PJA2: variants seen among roughly 807,000 people sequenced by gnomAD.
PJA2 encodes the protein E3 ubiquitin-protein ligase Praja-2.
Under a neutral mutation model 69.3 loss-of-function variants are expected in PJA2, and 25 were observed. The observed-to-expected ratio is 0.36, with a 90% CI of 0.26 to 0.50. The LOEUF (loss-of-function observed/expected upper bound fraction) is 0.50. PJA2 is among the 20% of genes least tolerant of loss of function. The probability of loss-of-function intolerance (pLI) is 0.96; values close to 1 mark genes in which losing one functional copy is unlikely to be tolerated. For missense variants in PJA2, 809 were observed against 830.2 expected (o/e 0.97, Z 0.31); for synonymous variants, 308 against 277.8 (o/e 1.11, Z -1.08).
Position 109,335,368 on chromosome 5 carries a change from C to G in PJA2, c.*1863G>C, listed in dbSNP as rs1761921188. 1 of 152,598 alleles carries G rather than the reference C, an allele frequency of 6.6e-6. No individual in the cohort carries two copies. Among genetic ancestry groups the G allele is most frequent in the Non-Finnish European group, 1.5e-5 (1 of 68,028 alleles). The allele number at this position is 152,598 out of a possible 1,614,324, so 9.5% of individuals were successfully genotyped here. On this transcript the variant is annotated 3_prime_UTR_variant, in exon 10 of 10. Transcript: ENST00000361189. ...CAACATTGCTGGTTGAGTTTGGAACCAAAACCTCTTAACAACTGGCAGATA... is the reference window on the plus strand; with the variant it reads ...CAACATTGCTGGTTGAGTTTGGAACGAAAACCTCTTAACAACTGGCAGATA...
In PJA2 at chr5:109,335,205, T is replaced by C. The variant is rs992283060; in HGVS notation, c.*2026A>G. ...AATCCTAAAACCTCAATTTTCTTTTTCTTTTTTAAAATTTAAGCCAACTCT... is the reference window on the plus strand; with the variant it reads ...AATCCTAAAACCTCAATTTTCTTTTCCTTTTTTAAAATTTAAGCCAACTCT... On this transcript the variant is annotated 3_prime_UTR_variant, in exon 10 of 10. Transcript: ENST00000361189. 6.5e-6 allele frequency: 1 copy of C among 152,674 alleles called. No homozygotes were observed. The highest frequency in any genetic ancestry group is 1.5e-5 in the Non-Finnish European group (1 of 68,046). 9.5% of individuals were successfully genotyped at this position (152,674 alleles called of 1,614,324 possible). A position where few individuals can be genotyped will look rare whatever the true frequency, so the allele number is the denominator to read the frequency against.
intron 1 of PJA2, among the ~76,000 whole-genome samples, chr5:109,393,615 C>G (rs927259496): frequency 8.5e-5 from 13 of 152,054 alleles, no homozygotes; most frequent in African/African-American, 3.1e-4. Context: ...GCCTGGGCAA[C>G]AAAGCCAGAC....
In PJA2 at chr5:109,378,185, G is replaced by C. The variant is rs1282306502; in HGVS notation, c.1283+19C>G. ...TTCATTTACTACACAATCGGAAAAA[G>C]TACTGGATGTGACCTTACCTATCTT... On this transcript the variant is annotated intron_variant, in intron 4 of 9. Coordinates refer to ENST00000361189, the MANE Select transcript of PJA2 (RefSeq NM_014819.5). 1 of 1,565,044 alleles carries C rather than the reference G, an allele frequency of 6.4e-7. No individual in the cohort carries two copies. The highest frequency in any genetic ancestry group is 8.7e-7 in the Non-Finnish European group (1 of 1,148,064).
chr5:109,403,658 C>T (rs1747613858), intron 1 of PJA2, among the ~76,000 whole-genome samples: 1 of 150,844 alleles, frequency 6.6e-6, no homozygotes, highest in African/African-American at 2.4e-5. Flanking sequence ...TCAACATTCG[C>T]AAATAAGTTA....
chr5:109,396,803 A>T, intron 1 of PJA2, among the ~76,000 whole-genome samples: 1 of 149,098 alleles, frequency 6.7e-6, no homozygotes, highest in Non-Finnish European at 1.5e-5. Flanking sequence ...GGGGTGGGGG[A>T]GAAAGAGGAA....
intron 4 of PJA2, among the ~76,000 whole-genome samples, chr5:109,376,199 T>C (rs1561355538): frequency 6.7e-6 from 1 of 150,270 alleles, no homozygotes. Flanking sequence ...TTACTAGCAA[T>C]TTAAAAGGAC....
intron 7 of PJA2, among the ~76,000 whole-genome samples, chr5:109,353,515 T>TA (rs201021355): frequency 0.43 from 53,051 of 123,302 alleles, 15,048 homozygotes; most frequent in Non-Finnish European, 0.59. Context: ...TATAGATATC[T>TA]ATATATTAGA....
At chr5:109,347,796 A>T (rs931654134) in intron 7 of PJA2, among the ~76,000 whole-genome samples, 1 of 152,154 alleles carries the variant, frequency 6.6e-6, no homozygotes, top group Non-Finnish European at 1.5e-5. Flanking sequence ...CTAATCCTAT[A>T]TTCTTTAGAG....
intron 1 of PJA2, among the ~76,000 whole-genome samples, chr5:109,395,549 C>A (rs561609983): frequency 2.6e-5 from 4 of 152,016 alleles, no homozygotes; most frequent in Non-Finnish European, 5.9e-5. Flanking sequence ...TAAAAATCTT[C>A]CCACAAGGAA....
rs191168195 is a variant in PJA2 at position 109,371,178 on chromosome 5, A to G, written c.1284-2432T>C. Among the ~76,000 whole-genome samples the G allele has an allele frequency of 1.1e-4, 17 of 152,306 alleles. 1 individual carries two copies. In the South Asian group the frequency reaches 2.3e-3, roughly 20 times the overall value. The stretch of plus-strand genomic sequence containing the variant: ...GAAAAGGTTTGCAGACCCCACGCCT[A>G]TATCATTATTACTCATGATACCTAA... On this transcript the variant is annotated intron_variant, in intron 4 of 9. Transcript: ENST00000361189.
chr5:109,388,644 A>AT (rs1747215747), intron 1 of PJA2, among the ~76,000 whole-genome samples: 1 of 152,236 alleles, frequency 6.6e-6, no homozygotes, highest in Non-Finnish European at 1.5e-5. Context: ...GGAGCCAGAA[A>AT]TAACTCACTT....
At chr5:109,352,432 A>G (rs959654848) in intron 7 of PJA2, among the ~76,000 whole-genome samples, 3 of 152,228 alleles carry the variant, frequency 2.0e-5, no homozygotes, top group African/African-American at 7.2e-5. Context: ...AGAGTTATTT[A>G]GCACAACGAA....
intron 7 of PJA2, among the ~76,000 whole-genome samples, chr5:109,349,007 T>C (rs73219716): frequency 0.019 from 2,861 of 152,332 alleles, 78 homozygotes; most frequent in African/African-American, 0.065. Flanking sequence ...AGTGTTACTA[T>C]GAATGTGTGG....
intron 5 of PJA2, among the ~76,000 whole-genome samples, chr5:109,367,973 T>G (rs1358330754): frequency 2.6e-5 from 4 of 152,326 alleles, no homozygotes; most frequent in African/African-American, 9.6e-5. Context: ...ATGGCTACTT[T>G]TATACTGCAA....
In PJA2 at chr5:109,378,837, G is replaced by T; in HGVS notation, c.650C>A (p.Pro217Gln). ...TTCACAGTTAAATGAGGGAACTGGT[G>T]GTGAAAGACCAGTGTATGCCTCTGC... The part of the protein sequence containing the change: ...REAEAYTGLS[P>Q]PVPSFNCEVR... The change falls in exon 4 of 10, where the codon CCA (proline) becomes CAA (glutamine). Residue 217 changes from proline to glutamine, a missense_variant. By Grantham distance (76) the Pro-to-Gln change is moderately conservative. Around this residue, in one of 4 missense-constraint regions of PJA2, gnomAD observed 700 missense variants for 639.5 expected, o/e 1.09. Transcript: ENST00000361189. 3 of 1,613,788 alleles carry T rather than the reference G, an allele frequency of 1.9e-6. No individual in the cohort carries two copies. Among genetic ancestry groups the T allele is most frequent in the Non-Finnish European group, 2.5e-6 (3 of 1,180,006 alleles).
At chr5:109,355,724 T>C (rs1054284095) in intron 7 of PJA2, among the ~76,000 whole-genome samples, 191 bp downstream of exon 7, 2 of 152,312 alleles carry the variant, frequency 1.3e-5, no homozygotes, top group East Asian at 3.9e-4. Flanking sequence ...ATACTGAAAT[T>C]TAAGGCAAAC....
chr5:109,343,350 T>TAAAA (rs55754432), intron 9 of PJA2, among the ~76,000 whole-genome samples: 4 of 40,040 alleles, frequency 1.0e-4, no homozygotes, highest in East Asian at 1.0e-3. Flanking sequence ...TAATGTACCA[T>TAAAA]AAAAAAAAAA....
At chr5:109,398,011 C>G (rs1561365190) in intron 1 of PJA2, among the ~76,000 whole-genome samples, 1 of 152,168 alleles carries the variant, frequency 6.6e-6, no homozygotes, top group Non-Finnish European at 1.5e-5. Context: ...AGACACTTCT[C>G]AAAAGAAGAC....
At chr5:109,365,225 C>T (rs73226868) in intron 5 of PJA2, among the ~76,000 whole-genome samples, 4,719 of 152,242 alleles carry the variant, frequency 0.031, 246 homozygotes, top group African/African-American at 0.11. Flanking sequence ...AACTGGTATA[C>T]TCATGTAGTA....
Sources: gnomAD v4.1 joint callset for allele counts (sites outside exome capture counted in the v4.1 genomes callset) on GRCh38, gnomAD v4.1.1 for gene constraint, gnomAD v4.1.1 regional missense constraint, MANE v1.5 for transcripts, NCBI Gene and HGNC (gene_info 2026-07-23, HGNC 2026-07-21) for gene names.